Variants in LRRC1 observed in about 807,000 individuals in gnomAD.
LRRC1 encodes leucine rich repeat containing 1, also known as leucine-rich repeat-containing protein 1.
In LRRC1, 28 loss-of-function variants were observed where a neutral mutation model predicts 69.9. The observed-to-expected ratio is 0.40, with a 90% CI of 0.30 to 0.55. The LOEUF (loss-of-function observed/expected upper bound fraction) is 0.55. LRRC1 is among the 20% of genes least tolerant of loss of function. The probability of loss-of-function intolerance (pLI) is 0.47; values close to 1 mark genes in which losing one functional copy is unlikely to be tolerated. For synonymous variants in LRRC1, 236 were observed against 240.2 expected, an observed-to-expected ratio of 0.98 and a Z score of 0.16; for missense variants, 498 against 609.0, an observed-to-expected ratio of 0.82 and a Z score of 1.92.
chr6:53,805,684 T>G (rs1470650871), intron 1 of LRRC1, among the ~76,000 whole-genome samples: 1 of 152,242 alleles, frequency 6.6e-6, no homozygotes, highest in Non-Finnish European at 1.5e-5. Flanking sequence ...TGTGTTACTC[T>G]GTAGACAGTG....
chr6:53,899,783 G>A lies in LRRC1; in HGVS notation c.679G>A (p.Val227Ile). 1 of 1,614,100 alleles carries A rather than the reference G, an allele frequency of 6.2e-7. No individual in the cohort carries two copies. The highest frequency in any genetic ancestry group is 8.5e-7 in the Non-Finnish European group (1 of 1,179,948). ...GNLKNLLCLD[V>I]SENRLERLPE... ...TCTGAAGAACCTGCTGTGTTTAGAT[G>A]TCTCTGAAAACAGGTTGGAAAGACT... Residue 227 changes from valine (V) to isoleucine (I), a missense_variant, in exon 8 of 14, where the codon GTC becomes ATC. Around this residue, in one of 3 missense-constraint regions of LRRC1, gnomAD observed 266 missense variants for 383.9 expected, o/e 0.69. Coordinates refer to ENST00000370888, the MANE Select transcript of LRRC1 (RefSeq NM_018214.5).
chr6:53,830,944 A>ATAGTT (rs199784563), intron 1 of LRRC1, among the ~76,000 whole-genome samples: 121,286 of 146,130 alleles, frequency 0.83, 50,548 homozygotes, highest in East Asian at 0.96. Flanking sequence ...TAGTTATTAT[A>ATAGTT]ATTTTATATA....
chr6:53,883,072 C>T (rs1352021488), intron 4 of LRRC1, 96 bp downstream of exon 4: 3 of 716,988 alleles, frequency 4.2e-6, no homozygotes, highest in African/African-American at 3.7e-5. Flanking sequence ...TATTTGTCTA[C>T]TCAGAAAGCC....
At chr6:53,913,411 A>G (rs1389757545) in intron 10 of LRRC1, among the ~76,000 whole-genome samples, 3 of 152,146 alleles carry the variant, frequency 2.0e-5, no homozygotes, top group Non-Finnish European at 4.4e-5. Context: ...TGAAGTTAAT[A>G]TAATGGGCAA....
chr6:53,911,985 C>T (rs1004092998), intron 10 of LRRC1, among the ~76,000 whole-genome samples: 18 of 152,160 alleles, frequency 1.2e-4, no homozygotes, highest in Admixed American at 7.9e-4. Flanking sequence ...TCTGGTGATT[C>T]TTACTGGAAC....
At chr6:53,915,583 C>G (rs1339241983) in intron 11 of LRRC1, among the ~76,000 whole-genome samples, 1 of 152,168 alleles carries the variant, frequency 6.6e-6, no homozygotes, top group African/African-American at 2.4e-5. Flanking sequence ...CATGAATTTG[C>G]CTCAATTCTT....
rs113995527 is a variant in LRRC1, at chr6:53,907,128, G to T, written c.990+2666G>T. Among the ~76,000 whole-genome samples, 680 of 152,332 alleles carry T rather than the reference G, an allele frequency of 4.5e-3. 4 individuals are homozygous for T. The highest frequency in any genetic ancestry group is 0.015 in the African/African-American group (607 of 41,576). ...AGTGTGGTAGGCCCTGTGACTGTGT[G>T]TATGTTAGCTCTGCCTCCAAGCTTG... On this transcript the variant is annotated intron_variant, in intron 10 of 13. Coordinates refer to ENST00000370888, the MANE Select transcript of LRRC1 (RefSeq NM_018214.5).
Position 53,856,114 on chromosome 6 carries a change from T to G in LRRC1, c.277+13887T>G, listed in dbSNP as rs77251075. On this transcript the variant is annotated intron_variant, in intron 2 of 13. Coordinates refer to ENST00000370888, the MANE Select transcript of LRRC1 (RefSeq NM_018214.5). ...GATAAACTCAAAGAAATGTTCTAAA[T>G]AAAGGCCACATATTTCATTATGAAT... is the stretch of plus-strand genomic sequence containing the variant. 8.0e-4 allele frequency among the ~76,000 whole-genome samples: 122 copies of G among 152,338 alleles called. 1 individual carries two copies. In the East Asian group the frequency reaches 0.02, roughly 25 times the overall value.
chr6:53,833,321 C>G (rs1765484796), intron 1 of LRRC1, among the ~76,000 whole-genome samples: 1 of 152,156 alleles, frequency 6.6e-6, no homozygotes, highest in Non-Finnish European at 1.5e-5. Flanking sequence ...TCTTGGTTTT[C>G]AAAGTGATTC....
At chr6:53,825,507 A>G (rs1175339420) in intron 1 of LRRC1, among the ~76,000 whole-genome samples, 2 of 152,232 alleles carry the variant, frequency 1.3e-5, no homozygotes, top group Admixed American at 6.5e-5. Flanking sequence ...GGTATGGGAA[A>G]TAAAGGATTT....
At position 53,858,972 on chromosome 6, in the gene LRRC1, T is replaced by C. The variant is rs532593917; in HGVS notation, c.277+16745T>C. 3.3e-5 allele frequency among the ~76,000 whole-genome samples: 5 copies of C among 152,346 alleles called. No individual in the cohort carries two copies. In the East Asian group the frequency reaches 9.6e-4, roughly 29 times the overall value. Reference sequence around the variant, plus strand: ...AATGTATTATAAATATCACATCTTTTAATTAGTTCTTATATTACTTCTATA... The same window carrying C: ...AATGTATTATAAATATCACATCTTTCAATTAGTTCTTATATTACTTCTATA... On this transcript the variant is annotated intron_variant, in intron 2 of 13. Coordinates refer to ENST00000370888, the MANE Select transcript of LRRC1 (RefSeq NM_018214.5).
At chr6:53,818,020 G>T (rs779431203) in intron 1 of LRRC1, among the ~76,000 whole-genome samples, 17 of 152,200 alleles carry the variant, frequency 1.1e-4, no homozygotes, top group Non-Finnish European at 2.1e-4. Flanking sequence ...TATGGACATG[G>T]TAAGACATGA....
intron 10 of LRRC1, among the ~76,000 whole-genome samples, chr6:53,911,140 C>A (rs1046040834): frequency 6.6e-6 from 1 of 152,180 alleles, no homozygotes; most frequent in South Asian, 2.1e-4. Context: ...AATTGCTTTC[C>A]ACCCCTTGAC....
intron 11 of LRRC1, among the ~76,000 whole-genome samples, chr6:53,916,929 C>T (rs1196088156): frequency 6.6e-6 from 1 of 152,120 alleles, no homozygotes; most frequent in Non-Finnish European, 1.5e-5. Context: ...TGCTTTAGTT[C>T]TTGTACCATT....
chr6:53,810,313 C>G (rs913431422), intron 1 of LRRC1, among the ~76,000 whole-genome samples: 8 of 152,176 alleles, frequency 5.3e-5, no homozygotes, highest in African/African-American at 1.9e-4. Flanking sequence ...GATTCTGTTT[C>G]AAAGTATTCT....
intron 10 of LRRC1, among the ~76,000 whole-genome samples, chr6:53,909,581 A>G (rs898002576): frequency 5.3e-5 from 8 of 151,700 alleles, no homozygotes; most frequent in African/African-American, 1.5e-4. Flanking sequence ...TATTTTTCTA[A>G]TCAATGTAAG....
chr6:53,832,753 A>G (rs1467788694), intron 1 of LRRC1, among the ~76,000 whole-genome samples: 1 of 152,178 alleles, frequency 6.6e-6, no homozygotes, highest in East Asian at 1.9e-4. Flanking sequence ...CAATACCAAG[A>G]AGTTGAATGA....
chr6:53,876,135 T>C (rs1767060359), intron 2 of LRRC1, among the ~76,000 whole-genome samples: 1 of 152,146 alleles, frequency 6.6e-6, no homozygotes, highest in African/African-American at 2.4e-5. Flanking sequence ...GGCCTCACAA[T>C]CATGGTGGAA....
intron 2 of LRRC1, among the ~76,000 whole-genome samples, chr6:53,848,338 A>G (rs763657198): frequency 6.6e-6 from 1 of 152,230 alleles, no homozygotes; most frequent in Non-Finnish European, 1.5e-5. Flanking sequence ...TTTTAATTTC[A>G]GATTATAATT....
Sources: gnomAD v4.1 joint callset for allele counts (sites outside exome capture counted in the v4.1 genomes callset) on GRCh38, gnomAD v4.1.1 for gene constraint, gnomAD v4.1.1 regional missense constraint, MANE v1.5 for transcripts, NCBI Gene and HGNC (gene_info 2026-07-23, HGNC 2026-07-21) for gene names.